The following KMT2E variants were observed in gnomAD, a reference collection of about 807,000 sequenced individuals.
KMT2E encodes histone reader KMT2E.
In KMT2E, 30 loss-of-function variants were observed where a neutral mutation model predicts 184.6. The observed-to-expected ratio is 0.16, with a 90% CI of 0.12 to 0.22. The LOEUF (loss-of-function observed/expected upper bound fraction) is 0.22. Among genes scored for constraint, KMT2E ranks in the 10% least tolerant of loss-of-function variants. The pLI is 1.00. For missense variants in KMT2E, 2,023 were observed against 2,237.4 expected, an observed-to-expected ratio of 0.90 and a Z score of 1.93; for synonymous variants, 815 against 776.5, an observed-to-expected ratio of 1.05 and a Z score of -0.82.
intron 15 of KMT2E, among the ~76,000 whole-genome samples, chr7:105,094,952 C>T (rs1031134067): frequency 6.6e-6 from 1 of 152,192 alleles, no homozygotes; most frequent in Non-Finnish European, 1.5e-5. Context: ...ATCTACTGTA[C>T]TTCACCCTAT....
chr7:105,060,355 A>G (rs1470562147), intron 3 of KMT2E, among the ~76,000 whole-genome samples: 3 of 151,970 alleles, frequency 2.0e-5, no homozygotes, highest in Non-Finnish European at 1.5e-5. Flanking sequence ...TGGTGGTCCC[A>G]TAAGATTATA....
At chr7:105,095,314 TTTGAG>T (rs1433737962) in intron 15 of KMT2E, among the ~76,000 whole-genome samples, 1 of 152,130 alleles carries the variant, frequency 6.6e-6, no homozygotes, top group East Asian at 1.9e-4. Flanking sequence ...TGATGGACCT[TTTGAG>T]TAGGGTTTAA....
At chr7:105,079,457 C>G (rs1397433875) in intron 12 of KMT2E, among the ~76,000 whole-genome samples, 1 of 141,656 alleles carries the variant, frequency 7.1e-6, no homozygotes, top group Non-Finnish European at 1.5e-5. Flanking sequence ...TTAAAAATTA[C>G]TTTGCACCTT....
At chr7:105,034,294 A>G (rs1795544350) in intron 1 of KMT2E, among the ~76,000 whole-genome samples, 1 of 152,146 alleles carries the variant, frequency 6.6e-6, no homozygotes, top group African/African-American at 2.4e-5. Context: ...GGAGAGTAGT[A>G]TGATCACAGC....
chr7:105,035,128 C>T (rs1041980827), intron 1 of KMT2E, among the ~76,000 whole-genome samples: 3 of 150,998 alleles, frequency 2.0e-5, no homozygotes, highest in Non-Finnish European at 3.0e-5. Flanking sequence ...GGGTTCATGC[C>T]ATTCTCCTGC....
At chr7:105,067,066 TAAA>T (rs11457088) in intron 6 of KMT2E, among the ~76,000 whole-genome samples, 29 of 115,470 alleles carry the variant, frequency 2.5e-4, no homozygotes, top group African/African-American at 8.1e-4. Context: ...CTTTTTTTTT[TAAA>T]AAAAAAAAAA....
intron 13 of KMT2E, among the ~76,000 whole-genome samples, chr7:105,088,332 G>A (rs1300827869): frequency 6.6e-6 from 1 of 152,174 alleles, no homozygotes; most frequent in Non-Finnish European, 1.5e-5. Flanking sequence ...CATCTAGAAC[G>A]AGTTTCAAGC....
intron 11 of KMT2E, chr7:105,077,655 G>T: frequency 2.3e-6 from 1 of 435,208 alleles, no homozygotes; most frequent in Non-Finnish European, 4.1e-6. Flanking sequence ...TCTTGCTCAT[G>T]TCTGTCTTGC....
In KMT2E at chr7:105,090,045, C is replaced by T. The variant is rs1330024249; in HGVS notation, c.1395C>T (p.Asn465=). The T allele has an allele frequency of 1.2e-6, 2 of 1,613,406 alleles. No individual in the cohort carries two copies. The highest frequency in any genetic ancestry group is 8.5e-7 in the Non-Finnish European group (1 of 1,179,800). The change falls in exon 14 of 27, where the codon AAC becomes AAT. Residue 465 remains asparagine, a synonymous_variant. Transcript: ENST00000311117. ...YKVDCACLKE[N]PECPVLKRSS... The stretch of plus-strand genomic sequence containing the variant: ...TGGACTGTGCATGCCTCAAAGAAAA[C>T]CCAGAGTGCCCTGTTCTAAAACGTA...
intron 1 of KMT2E, among the ~76,000 whole-genome samples, chr7:105,034,092 C>T (rs907296960): frequency 6.6e-6 from 1 of 152,218 alleles, no homozygotes. Context: ...AAAGGCTCCA[C>T]ATCGTAACCT....
At chr7:105,031,044 G>A (rs1158909255) in intron 1 of KMT2E, among the ~76,000 whole-genome samples, 1 of 152,090 alleles carries the variant, frequency 6.6e-6, no homozygotes, top group African/African-American at 2.4e-5. Context: ...TGAGGACACT[G>A]TTTTACTTGC....
At chr7:105,093,015 C>T (rs758023445) in intron 15 of KMT2E, among the ~76,000 whole-genome samples, 1 of 151,968 alleles carries the variant, frequency 6.6e-6, no homozygotes, top group East Asian at 1.9e-4. Context: ...GGCAATATAG[C>T]GAGACCTCAT....
Position 105,047,336 on chromosome 7 carries a change from T to TGTAG in KMT2E, c.71+6315_71+6318dup, listed in dbSNP as rs1663417350. The stretch of plus-strand genomic sequence containing the variant: ...TCATTTGAGGAAAGTTTCTTATCAA[T>TGTAG]GTAGGGAACTGTTTACCAGCTAAAT... On this transcript the variant is annotated intron_variant, in intron 3 of 26. Coordinates refer to ENST00000311117, the MANE Select transcript of KMT2E (RefSeq NM_182931.3). Among the ~76,000 whole-genome samples, 13 of 152,348 alleles carry TGTAG rather than the reference T, an allele frequency of 8.5e-5. No individual in the cohort carries two copies. In the South Asian group the frequency reaches 2.7e-3, roughly 32 times the overall value.
intron 6 of KMT2E, among the ~76,000 whole-genome samples, chr7:105,072,873 C>T (rs942975187): frequency 6.6e-6 from 1 of 151,824 alleles, no homozygotes; most frequent in Non-Finnish European, 1.5e-5. Flanking sequence ...AAGATTGCGC[C>T]ATTGCACTCC....
chr7:105,066,856 T>A, intron 6 of KMT2E, 49 bp downstream of exon 6: 1 of 1,237,426 alleles, frequency 8.1e-7, no homozygotes, highest in Non-Finnish European at 1.2e-6. Flanking sequence ...ACTGAGGTAA[T>A]ACTAGTTAAC....
intron 1 of KMT2E, among the ~76,000 whole-genome samples, 181 bp from the exon 2 acceptor site, chr7:105,037,945 T>C (rs1202306533): frequency 6.6e-6 from 1 of 152,240 alleles, no homozygotes; most frequent in Non-Finnish European, 1.5e-5. Flanking sequence ...TTAGCTTTGA[T>C]TGTTGCCTTT....
chr7:105,085,001 A>T (rs1797904665), intron 13 of KMT2E, among the ~76,000 whole-genome samples: 1 of 151,570 alleles, frequency 6.6e-6, no homozygotes, highest in Non-Finnish European at 1.5e-5. Context: ...GATAGAATAG[A>T]CTACTATCTA....
rs1313768253 is a variant in KMT2E at position 105,107,534 on chromosome 7, G to A, written c.3077G>A (p.Gly1026Glu). 2 of 1,614,002 alleles carry A rather than the reference G, an allele frequency of 1.2e-6. No individual in the cohort carries two copies. Among genetic ancestry groups the A allele is most frequent in the African/African-American group, 2.7e-5 (2 of 74,906 alleles). The change falls in exon 22 of 27, where the codon GGA (glycine) becomes GAA (glutamate). Residue 1026 changes from glycine to glutamate, a missense_variant. Coordinates refer to ENST00000311117, the MANE Select transcript of KMT2E (RefSeq NM_182931.3). ...EKEPVSDLQLGLDAVEPTALH... is the reference protein window; with the variant it reads ...EKEPVSDLQLELDAVEPTALH... The stretch of plus-strand genomic sequence containing the variant: ...GAACCTGTGTCAGACCTTCAGCTAG[G>A]ACTCGATGCAGTTGAGCCAACTGCC...
At chr7:105,022,968 A>G (rs1795015149) in intron 1 of KMT2E, among the ~76,000 whole-genome samples, 3 of 152,272 alleles carry the variant, frequency 2.0e-5, no homozygotes, top group East Asian at 3.9e-4. Context: ...TATATGTATA[A>G]TATTCCTGTA....
Sources: gnomAD v4.1 joint callset for allele counts (sites outside exome capture counted in the v4.1 genomes callset) on GRCh38, gnomAD v4.1.1 for gene constraint, MANE v1.5 for transcripts, NCBI Gene and HGNC (gene_info 2026-07-23, HGNC 2026-07-21) for gene names.